Variants in AUTS2 observed in about 807,000 individuals in gnomAD.
AUTS2 encodes the protein activator of transcription and developmental regulator AUTS2, also known as autism susceptibility gene 2 protein.
A neutral mutation model predicts 112.4 loss-of-function variants in AUTS2; 17 were observed. The ratio of observed to expected loss-of-function variants is 0.15; its 90% CI spans 0.10 to 0.23. The LOEUF is 0.23. AUTS2 is among the 10% of genes least tolerant of loss of function. AUTS2 has a pLI of 1.00. For missense variants in AUTS2, 1,510 were observed against 1,701.6 expected, an observed-to-expected ratio of 0.89 and a Z score of 1.98; for synonymous variants, 751 against 702.7, an observed-to-expected ratio of 1.07 and a Z score of -1.09.
chr7:70,722,458 G>A (rs969985363), intron 6 of AUTS2, among the ~76,000 whole-genome samples: 5 of 152,114 alleles, frequency 3.3e-5, no homozygotes, highest in Admixed American at 6.5e-5. Flanking sequence ...AGCCAAATGA[G>A]CTTTTAGAGC....
chr7:70,494,638 C>T (rs1798378982), intron 5 of AUTS2, among the ~76,000 whole-genome samples: 1 of 152,046 alleles, frequency 6.6e-6, no homozygotes, highest in African/African-American at 2.4e-5. Flanking sequence ...GCTCTGCAGC[C>T]TCCAACTCCA....
intron 4 of AUTS2, among the ~76,000 whole-genome samples, chr7:70,242,643 A>G (rs1471468635): frequency 6.6e-6 from 1 of 152,206 alleles, no homozygotes; most frequent in Non-Finnish European, 1.5e-5. Context: ...AAATATTATC[A>G]TGCCCCTTCT....
At chr7:70,314,759 T>C (rs1468825600) in intron 4 of AUTS2, among the ~76,000 whole-genome samples, 3 of 152,214 alleles carry the variant, frequency 2.0e-5, no homozygotes, top group Non-Finnish European at 4.4e-5. Context: ...CATGTTTATG[T>C]CACTCCCTCT....
intron 1 of AUTS2, among the ~76,000 whole-genome samples, chr7:69,860,273 C>T (rs183435936): frequency 3.2e-4 from 49 of 151,928 alleles, no homozygotes; most frequent in Admixed American, 3.0e-3. Context: ...GAGGTGTAGT[C>T]TGAGGTTCTT....
intron 1 of AUTS2, among the ~76,000 whole-genome samples, chr7:69,838,301 T>TTGATGA (rs57339468): frequency 1.2e-3 from 179 of 151,812 alleles, no homozygotes; most frequent in African/African-American, 3.4e-3. Context: ...CCTAAAGCGA[T>TTGATGA]TGATGATGAT....
chr7:70,187,288 G>A (rs936673161), intron 4 of AUTS2, among the ~76,000 whole-genome samples: 1 of 152,110 alleles, frequency 6.6e-6, no homozygotes, highest in Non-Finnish European at 1.5e-5. Flanking sequence ...ATAAGTTTAA[G>A]GAAATGTTGA....
At chr7:69,807,803 C>T (rs999748449) in intron 1 of AUTS2, among the ~76,000 whole-genome samples, 2 of 152,100 alleles carry the variant, frequency 1.3e-5, no homozygotes, top group African/African-American at 4.8e-5. Context: ...GCTGGTTTTA[C>T]CAGCGTGACT....
chr7:70,642,853 T>A (rs1393547804), intron 5 of AUTS2, among the ~76,000 whole-genome samples: 2 of 152,192 alleles, frequency 1.3e-5, no homozygotes, highest in Non-Finnish European at 2.9e-5. Context: ...CATTCACTTG[T>A]CATTCCTTCA....
chr7:69,822,044 T>A (rs1398049619), intron 1 of AUTS2, among the ~76,000 whole-genome samples: 1 of 150,888 alleles, frequency 6.6e-6, no homozygotes, highest in Non-Finnish European at 1.5e-5. Flanking sequence ...AATTAAAAAA[T>A]CAGTGACTGG....
chr7:69,950,139 T>C (rs1796966864), intron 2 of AUTS2, among the ~76,000 whole-genome samples: 1 of 152,132 alleles, frequency 6.6e-6, no homozygotes, highest in Non-Finnish European at 1.5e-5. Context: ...AAATTGCCAG[T>C]TATATTGCCA....
intron 5 of AUTS2, among the ~76,000 whole-genome samples, chr7:70,682,550 C>T (rs1808262690): frequency 2.0e-5 from 3 of 152,230 alleles, no homozygotes; most frequent in African/African-American, 7.2e-5. Flanking sequence ...GTCACTTCCT[C>T]CCAGAGGCAG....
At chr7:70,602,146 G>T (rs946888333) in intron 5 of AUTS2, among the ~76,000 whole-genome samples, 1 of 149,022 alleles carries the variant, frequency 6.7e-6, no homozygotes, top group African/African-American at 2.5e-5. Flanking sequence ...ACATATTGGG[G>T]CAAAAGAATT....
chr7:70,640,621 CA>C (rs1432141066), intron 5 of AUTS2, among the ~76,000 whole-genome samples: 1 of 151,664 alleles, frequency 6.6e-6, no homozygotes, highest in East Asian at 1.9e-4. Context: ...AACTGAGACA[CA>C]GGGGCTTTCA....
At chr7:70,548,280 G>C (rs1800871579) in intron 5 of AUTS2, among the ~76,000 whole-genome samples, 1 of 152,016 alleles carries the variant, frequency 6.6e-6, no homozygotes, top group African/African-American at 2.4e-5. Context: ...TCTTCTAATA[G>C]ACTTGTAAGA....
chr7:70,561,340 C>T (rs779752932), intron 5 of AUTS2, among the ~76,000 whole-genome samples: 2 of 152,142 alleles, frequency 1.3e-5, no homozygotes, highest in Non-Finnish European at 2.9e-5. Flanking sequence ...CATAGGGTAG[C>T]CATAGGGCCA....
At chr7:69,630,924 CT>C (rs1002795369) in intron 1 of AUTS2, among the ~76,000 whole-genome samples, 28 of 148,052 alleles carry the variant, frequency 1.9e-4, no homozygotes, top group African/African-American at 5.2e-4. Context: ...CCCATTTATT[CT>C]TTTTTTTTTC....
chr7:69,817,820 C>A (rs1327114352), intron 1 of AUTS2, among the ~76,000 whole-genome samples: 1 of 152,062 alleles, frequency 6.6e-6, no homozygotes, highest in East Asian at 1.9e-4. Context: ...GCCTCTGGAC[C>A]CCAACAGGAT....
In AUTS2 at chr7:70,649,322, C is replaced by T. The variant is rs115248280; in HGVS notation, c.691-49247C>T. 3.3e-3 allele frequency among the ~76,000 whole-genome samples: 503 copies of T among 151,896 alleles called. 4 individuals carry two copies. The highest frequency in any genetic ancestry group is 0.012 in the African/African-American group (487 of 41,280). On this transcript the variant is annotated intron_variant, in intron 5 of 18. Transcript: ENST00000342771. ...GTTTGAGGTGGAAGGATTACTGGAC[C>T]GCAGGAGGTGGAGGTGGCAATGAGC...
chr7:70,304,012 G>A (rs554999657), intron 4 of AUTS2, among the ~76,000 whole-genome samples: 15 of 152,168 alleles, frequency 9.9e-5, no homozygotes, highest in Middle Eastern at 3.4e-3. Context: ...CCTCCTCAGC[G>A]CATCACCTTC....
Sources: gnomAD v4.1 joint callset for allele counts (sites outside exome capture counted in the v4.1 genomes callset) on GRCh38, gnomAD v4.1.1 for gene constraint, MANE v1.5 for transcripts, NCBI Gene and HGNC (gene_info 2026-07-23, HGNC 2026-07-21) for gene names.